MED28: variants seen among roughly 807,000 people sequenced by gnomAD.
The protein encoded by MED28 is mediator complex subunit 28, also known as mediator of RNA polymerase II transcription subunit 28.
MED28 carries 26 observed loss-of-function variants against 21.3 expected under a neutral mutation model. That is an observed-to-expected ratio of 1.22 (90% CI 0.89 to 1.69). The LOEUF (loss-of-function observed/expected upper bound fraction) is 1.69. MED28 is among the 40% of genes most tolerant of loss of function. The probability of loss-of-function intolerance (pLI) is 0.00; values close to 1 mark genes in which losing one functional copy is unlikely to be tolerated. For missense variants in MED28, 257 were observed against 215.4 expected, an observed-to-expected ratio of 1.19 and a Z score of -1.21; for synonymous variants, 110 against 87.6, an observed-to-expected ratio of 1.26 and a Z score of -1.43.
In MED28 at chr4:17,628,796, ACACT is replaced by A. The variant is rs1433728387; in HGVS notation, c.*5006_*5009del. The stretch of plus-strand genomic sequence containing the variant: ...ATCTGGAGCAGCGTGTGAGGTATGG[ACACT>A]CACTCACACGAGGGGGTGGCCCAGT... On this transcript the variant is annotated 3_prime_UTR_variant, in exon 4 of 4. Transcript: ENST00000237380. 2.6e-5 allele frequency: 4 copies of A among 152,166 alleles called. No individual in the cohort carries two copies. Among genetic ancestry groups the A allele is most frequent in the Non-Finnish European group, 5.9e-5 (4 of 68,078 alleles). The allele number at this position is 152,166 out of a possible 1,614,324, so 9.4% of individuals were successfully genotyped here. A position where few individuals can be genotyped will look rare whatever the true frequency, so the allele number is the denominator to read the frequency against.
rs566180830 is a variant in MED28, at chr4:17,621,666, A to G, written c.306A>G (p.Leu102=). 1.2e-6 allele frequency: 2 copies of G among 1,611,252 alleles called. No homozygotes were observed. Among genetic ancestry groups the G allele is most frequent in the African/African-American group, 2.7e-5 (2 of 74,982 alleles). ...ECFFLQKRLQ[L]SVQKPEQVIK... is the part of the protein sequence containing the mutation. ...TTTTCTTACAAAAAAGATTGCAGTTATCTGTCCAGAAACCAGAGCAAGTTA... is the reference window on the plus strand; with the variant it reads ...TTTTCTTACAAAAAAGATTGCAGTTGTCTGTCCAGAAACCAGAGCAAGTTA... Residue 102 remains leucine, a synonymous_variant, in exon 3 of 4, where the codon TTA becomes TTG. Coordinates refer to ENST00000237380, the MANE Select transcript of MED28 (RefSeq NM_025205.5).
Position 17,631,385 on chromosome 4 carries a change from A to T in MED28, c.*7587A>T, listed in dbSNP as rs563828052. 6.6e-6 allele frequency: 1 copy of T among 152,176 alleles called. No homozygotes were observed. Among genetic ancestry groups the T allele is most frequent in the Non-Finnish European group, 1.5e-5 (1 of 68,106 alleles). 9.4% of individuals were successfully genotyped at this position (152,176 alleles called of 1,614,324 possible). A position where few individuals can be genotyped will look rare whatever the true frequency, so the allele number is the denominator to read the frequency against. On this transcript the variant is annotated 3_prime_UTR_variant, in exon 4 of 4. Transcript: ENST00000237380. ...TCGCTGTGTTGCCCAGGCTGGTCTCAAATTCCTGGCCTCAAGCTCTCCTCC... is the reference window on the plus strand; with the variant it reads ...TCGCTGTGTTGCCCAGGCTGGTCTCTAATTCCTGGCCTCAAGCTCTCCTCC...
rs1577233668 is a variant in MED28, at chr4:17,624,087, C to T, written c.*289C>T. ...CAGATTCTTTTTTATGGTGGCTTTG[C>T]TTGTTTTAAATTTTTGCATGACTTT... On this transcript the variant is annotated 3_prime_UTR_variant, in exon 4 of 4. Coordinates refer to ENST00000237380, the MANE Select transcript of MED28 (RefSeq NM_025205.5). The T allele has an allele frequency of 5.2e-6, 2 of 381,560 alleles. No homozygotes were observed. Among genetic ancestry groups the T allele is most frequent in the African/African-American group, 4.1e-5 (2 of 49,158 alleles). The allele number at this position is 381,560 out of a possible 1,614,324, so 23.6% of individuals were successfully genotyped here.
Position 17,633,648 on chromosome 4 carries a change from G to A in MED28, c.*9850G>A, listed in dbSNP as rs1715032255. 1.4e-6 allele frequency: 2 copies of A among 1,422,278 alleles called. No individual in the cohort carries two copies. Among genetic ancestry groups the A allele is most frequent in the African/African-American group, 1.5e-5 (1 of 67,810 alleles). The allele number at this position is 1,422,278 out of a possible 1,614,324, so 88.1% of individuals were successfully genotyped here. A position where few individuals can be genotyped will look rare whatever the true frequency, so the allele number is the denominator to read the frequency against. ...ATCCTACTTCCCCTCTTATCTACAG[G>A]GAAATAGAATAAGGGCCCCTGTCCC... On this transcript the variant is annotated 3_prime_UTR_variant, in exon 4 of 4. Transcript: ENST00000237380.
Position 17,631,331 on chromosome 4 carries a change from CTAAT to C in MED28, c.*7536_*7539del, listed in dbSNP as rs112808615. 9,860 of 152,108 alleles carry C rather than the reference CTAAT, an allele frequency of 0.065. 1,085 individuals are homozygous for C. Among genetic ancestry groups the C allele is most frequent in the African/African-American group, 0.23 (9,359 of 41,370 alleles). The allele number at this position is 152,108 out of a possible 1,614,324, so 9.4% of individuals were successfully genotyped here. On this transcript the variant is annotated 3_prime_UTR_variant, in exon 4 of 4. Coordinates refer to ENST00000237380, the MANE Select transcript of MED28 (RefSeq NM_025205.5). ...TCCAAGTAGCTGGGTTTTCTTTGGG[CTAAT>C]TATTTTTTTGTAGAGATGGAGGTCT...
chr4:17,623,736 G>C lies in MED28; in HGVS notation c.475G>C (p.Gly159Arg), dbSNP rs767298209. ...QHKKPADIPQ[G>R]SLAYLEQASA... The stretch of plus-strand genomic sequence containing the variant: ...CAAAAAGCCCGCCGACATCCCTCAG[G>C]GCTCCTTGGCCTACCTGGAGCAGGC... The change falls in exon 4 of 4, where the codon GGC becomes CGC. Residue 159 changes from glycine to arginine, a missense_variant. Coordinates refer to ENST00000237380, the MANE Select transcript of MED28 (RefSeq NM_025205.5). The C allele has an allele frequency of 6.2e-7, 1 of 1,614,180 alleles. No individual in the cohort carries two copies. Among genetic ancestry groups the C allele is most frequent in the Admixed American group, 1.7e-5 (1 of 60,018 alleles).
At chr4:17,616,460 G>T (rs1714454695) in intron 1 of MED28, among the ~76,000 whole-genome samples, 1 of 152,198 alleles carries the variant, frequency 6.6e-6, no homozygotes, top group African/African-American at 2.4e-5. Context: ...CCAGCACCCT[G>T]CTGCTTAAAA....
In MED28 at chr4:17,634,067, TATAA is replaced by T. The variant is rs1450878460; in HGVS notation, c.*10277_*10280del. 2.6e-5 allele frequency: 12 copies of T among 468,876 alleles called. No homozygotes were observed. The highest frequency in any genetic ancestry group is 5.1e-5 in the South Asian group (1 of 19,768). 29.0% of individuals were successfully genotyped at this position (468,876 alleles called of 1,614,324 possible). A position where few individuals can be genotyped will look rare whatever the true frequency, so the allele number is the denominator to read the frequency against. On this transcript the variant is annotated 3_prime_UTR_variant, in exon 4 of 4. Coordinates refer to ENST00000237380, the MANE Select transcript of MED28 (RefSeq NM_025205.5). Reference sequence around the variant, plus strand: ...TTTCCCTCCAATCTTCATTTTGTATTATAAATAAATATGTATGTTCACAACCTCT... The same window carrying T: ...TTTCCCTCCAATCTTCATTTTGTATTATAAATATGTATGTTCACAACCTCT...
At chr4:17,622,944 G>A (rs1025927930) in intron 3 of MED28, among the ~76,000 whole-genome samples, 2 of 152,146 alleles carry the variant, frequency 1.3e-5, no homozygotes, top group African/African-American at 4.8e-5. Context: ...ACTTGCCCCC[G>A]TGATTCAATT....
In MED28 at chr4:17,633,658, T is replaced by C; in HGVS notation, c.*9860T>C. On this transcript the variant is annotated 3_prime_UTR_variant, in exon 4 of 4. Transcript: ENST00000237380. Reference sequence around the variant, plus strand: ...CCCTCTTATCTACAGGGAAATAGAATAAGGGCCCCTGTCCCCAACATCCCC... The same window carrying C: ...CCCTCTTATCTACAGGGAAATAGAACAAGGGCCCCTGTCCCCAACATCCCC... 6.9e-7 allele frequency: 1 copy of C among 1,459,372 alleles called. No individual in the cohort carries two copies. The highest frequency in any genetic ancestry group is 2.7e-5 in the Admixed American group (1 of 37,412). The allele number at this position is 1,459,372 out of a possible 1,614,324, so 90.4% of individuals were successfully genotyped here. A position where few individuals can be genotyped will look rare whatever the true frequency, so the allele number is the denominator to read the frequency against.
At position 17,633,581 on chromosome 4, in the gene MED28, G is replaced by GA. The variant is rs1329768384; in HGVS notation, c.*9789dup. ...CAGTGTCCCTTGTCTAATCATCCATGAAAAAAGGCCTTCTGGAATTTGGTA... is the reference window on the plus strand; with the variant it reads ...CAGTGTCCCTTGTCTAATCATCCATGAAAAAAAGGCCTTCTGGAATTTGGTA... On this transcript the variant is annotated 3_prime_UTR_variant, in exon 4 of 4. Coordinates refer to ENST00000237380, the MANE Select transcript of MED28 (RefSeq NM_025205.5). The GA allele has an allele frequency of 4.6e-5, 49 of 1,070,264 alleles. No individual in the cohort carries two copies. The highest frequency in any genetic ancestry group is 6.2e-5 in the Non-Finnish European group (48 of 779,574). The allele number at this position is 1,070,264 out of a possible 1,614,324, so 66.3% of individuals were successfully genotyped here. A position where few individuals can be genotyped will look rare whatever the true frequency, so the allele number is the denominator to read the frequency against.
In MED28 at chr4:17,631,944, G is replaced by A. The variant is rs553635937; in HGVS notation, c.*8146G>A. On this transcript the variant is annotated 3_prime_UTR_variant, in exon 4 of 4. Transcript: ENST00000237380. ...AAAGTCTGATGTTCCACAAAATGGAGTATGATGTTATGGACACTAGAAATA... is the reference window on the plus strand; with the variant it reads ...AAAGTCTGATGTTCCACAAAATGGAATATGATGTTATGGACACTAGAAATA... The A allele has an allele frequency of 1.3e-5, 2 of 151,122 alleles. No individual in the cohort carries two copies. Among genetic ancestry groups the A allele is most frequent in the Admixed American group, 1.3e-4 (2 of 15,184 alleles). The allele number at this position is 151,122 out of a possible 1,614,324, so 9.4% of individuals were successfully genotyped here.
In MED28 at chr4:17,627,632, C is replaced by T. The variant is rs1328558701; in HGVS notation, c.*3834C>T. On this transcript the variant is annotated 3_prime_UTR_variant, in exon 4 of 4. Transcript: ENST00000237380. ...TGTTCCTGCCCAGGGCATGCTGGTC[C>T]TGGCTGTCACCAAGCACAGTGGAGG... 6.6e-6 allele frequency: 1 copy of T among 152,250 alleles called. No homozygotes were observed. The highest frequency in any genetic ancestry group is 1.5e-5 in the Non-Finnish European group (1 of 68,120). 9.4% of individuals were successfully genotyped at this position (152,250 alleles called of 1,614,324 possible).
chr4:17,625,681 C>A lies in MED28; in HGVS notation c.*1883C>A, dbSNP rs1451853920. ...ACATCTTACTGGGTGATGAATAATCCTCTAAGAAACCCTCTGAGCTGCTAA... is the reference window on the plus strand; with the variant it reads ...ACATCTTACTGGGTGATGAATAATCATCTAAGAAACCCTCTGAGCTGCTAA... On this transcript the variant is annotated 3_prime_UTR_variant, in exon 4 of 4. Coordinates refer to ENST00000237380, the MANE Select transcript of MED28 (RefSeq NM_025205.5). 1 of 447,254 alleles carries A rather than the reference C, an allele frequency of 2.2e-6. No homozygotes were observed. The highest frequency in any genetic ancestry group is 2.0e-5 in the African/African-American group (1 of 49,782). 27.7% of individuals were successfully genotyped at this position (447,254 alleles called of 1,614,324 possible).
At chr4:17,614,993 G>C (rs1235587535) in intron 1 of MED28, among the ~76,000 whole-genome samples, 180 bp downstream of exon 1, 1 of 152,214 alleles carries the variant, frequency 6.6e-6, no homozygotes, top group African/African-American at 2.4e-5. Flanking sequence ...CAGGTCTGCT[G>C]GCGGGGGCGC....
rs2108923207 is a variant in MED28, at chr4:17,631,875, T to TA, written c.*8079dup. On this transcript the variant is annotated 3_prime_UTR_variant, in exon 4 of 4. Transcript: ENST00000237380. ...TTTCCAGTGGAGTTGACTAGCATCCTAAGGACAAGTACAACCACTTTTGAA... is the reference window on the plus strand; with the variant it reads ...TTTCCAGTGGAGTTGACTAGCATCCTAAAGGACAAGTACAACCACTTTTGAA... The TA allele has an allele frequency of 6.6e-6, 1 of 152,258 alleles. No individual in the cohort carries two copies. Among genetic ancestry groups the TA allele is most frequent in the East Asian group, 1.9e-4 (1 of 5,174 alleles). The allele number at this position is 152,258 out of a possible 1,614,324, so 9.4% of individuals were successfully genotyped here.
At chr4:17,615,429 T>G (rs1342140405) in intron 1 of MED28, among the ~76,000 whole-genome samples, 1 of 152,222 alleles carries the variant, frequency 6.6e-6, no homozygotes, top group African/African-American at 2.4e-5. Flanking sequence ...TCTGGTGATT[T>G]CCAGTAGTCT....
chr4:17,623,361 A>G (rs1486584033), intron 3 of MED28, among the ~76,000 whole-genome samples: 1 of 146,180 alleles, frequency 6.8e-6, no homozygotes, highest in Non-Finnish European at 1.5e-5. Flanking sequence ...AGACCGCACC[A>G]CTGCACTCTA....
Position 17,633,352 on chromosome 4 carries a change from T to C in MED28, c.*9554T>C, listed in dbSNP as rs1383326905. ...TAAGCACATCCTATGGATTAATTCC[T>C]TTAGTCTCACGTCAGTCTGATGAGA... On this transcript the variant is annotated 3_prime_UTR_variant, in exon 4 of 4. Coordinates refer to ENST00000237380, the MANE Select transcript of MED28 (RefSeq NM_025205.5). 5.2e-6 allele frequency: 1 copy of C among 191,436 alleles called. No individual in the cohort carries two copies. Among genetic ancestry groups the C allele is most frequent in the Non-Finnish European group, 1.1e-5 (1 of 94,958 alleles). 11.9% of individuals were successfully genotyped at this position (191,436 alleles called of 1,614,324 possible). A position where few individuals can be genotyped will look rare whatever the true frequency, so the allele number is the denominator to read the frequency against.
Sources: allele counts gnomAD v4.1 joint callset (sites outside exome capture counted in the v4.1 genomes callset), GRCh38; gene constraint gnomAD v4.1.1; transcripts MANE v1.5; gene names NCBI Gene and HGNC (gene_info 2026-07-23, HGNC 2026-07-21).